Variants in KIF6 observed in about 807,000 individuals in gnomAD.
KIF6 encodes kinesin-like protein KIF6.
In KIF6, 106 loss-of-function variants were observed where a neutral mutation model predicts 112.7. The ratio of observed to expected loss-of-function variants is 0.94; its 90% CI spans 0.80 to 1.11. The LOEUF (loss-of-function observed/expected upper bound fraction) is 1.11, where lower values mean the gene tolerates loss of function less well. Among genes scored for constraint, KIF6 ranks in the 50% least tolerant of loss-of-function variants. The pLI is 0.00. For synonymous variants in KIF6, 339 were observed against 339.9 expected, an observed-to-expected ratio of 1.00 and a Z score of 0.03; for missense variants, 929 against 964.0, an observed-to-expected ratio of 0.96 and a Z score of 0.48.
intron 13 of KIF6, among the ~76,000 whole-genome samples, chr6:39,434,353 C>G (rs1771372599): frequency 6.7e-6 from 1 of 149,438 alleles, no homozygotes; most frequent in Non-Finnish European, 1.5e-5. Flanking sequence ...CACCTGAGCT[C>G]AAGAGTTCAG....
At chr6:39,626,373 T>G (rs1439015792) in intron 5 of KIF6, among the ~76,000 whole-genome samples, 1 of 152,090 alleles carries the variant, frequency 6.6e-6, no homozygotes, top group African/African-American at 2.4e-5. Flanking sequence ...TAAAGAAACC[T>G]AGAAACCACA....
intron 10 of KIF6, among the ~76,000 whole-genome samples, chr6:39,563,202 C>T (rs931670622): frequency 2.0e-5 from 3 of 152,136 alleles, no homozygotes; most frequent in African/African-American, 7.2e-5. Flanking sequence ...CGCCACTGCA[C>T]TCCAGCCTGG....
At chr6:39,340,720 A>G (rs1260652221) in intron 22 of KIF6, among the ~76,000 whole-genome samples, 2 of 152,164 alleles carry the variant, frequency 1.3e-5, no homozygotes, top group Non-Finnish European at 2.9e-5. Context: ...GCCTGGGGAC[A>G]GTGTTAGCAG....
rs546119315 is a variant in KIF6 at position 39,449,267 on chromosome 6, C to A, written c.1646-18106G>T. ...TCCTGTGGCTTCCCATGGACAAAGC[C>A]AAACCTGAATATACCCCAACCTCCT... On this transcript the variant is annotated intron_variant, in intron 13 of 22. Coordinates refer to ENST00000287152, the MANE Select transcript of KIF6 (RefSeq NM_145027.6). Among the ~76,000 whole-genome samples the A allele has an allele frequency of 1.3e-5, 2 of 152,204 alleles. 1 individual carries two copies. The highest frequency in any genetic ancestry group is 4.1e-4 in the South Asian group (2 of 4,834).
chr6:39,609,596 A>G (rs768312695), intron 6 of KIF6, among the ~76,000 whole-genome samples: 2 of 152,210 alleles, frequency 1.3e-5, no homozygotes, highest in South Asian at 4.1e-4. Context: ...AACAGAAGAC[A>G]TGAACAAAAA....
At chr6:39,694,764 C>T (rs1788426164) in intron 3 of KIF6, among the ~76,000 whole-genome samples, 1 of 152,066 alleles carries the variant, frequency 6.6e-6, no homozygotes, top group Non-Finnish European at 1.5e-5. Context: ...AATAATTCAA[C>T]ACTTTTCCTA....
At chr6:39,666,122 G>A (rs1298585061) in intron 3 of KIF6, among the ~76,000 whole-genome samples, 3 of 152,084 alleles carry the variant, frequency 2.0e-5, no homozygotes, top group East Asian at 3.8e-4. Context: ...TCAAGTATTC[G>A]TGGCCAATCC....
At chr6:39,688,115 G>C (rs1033010854) in intron 3 of KIF6, among the ~76,000 whole-genome samples, 2 of 152,198 alleles carry the variant, frequency 1.3e-5, no homozygotes, top group African/African-American at 4.8e-5. Context: ...TCTTCAGTCT[G>C]GAGAAACTGC....
intron 12 of KIF6, among the ~76,000 whole-genome samples, chr6:39,541,609 C>T (rs890588309): frequency 6.6e-6 from 1 of 152,208 alleles, no homozygotes; most frequent in Non-Finnish European, 1.5e-5. Context: ...AGAGTAGTTT[C>T]TTGCTCTCAC....
At chr6:39,574,381 C>A (rs188327351) in intron 10 of KIF6, among the ~76,000 whole-genome samples, 48 of 152,254 alleles carry the variant, frequency 3.2e-4, no homozygotes, top group Admixed American at 1.7e-3. Flanking sequence ...TCCTTTCGGT[C>A]TGAAAGTTTG....
intron 13 of KIF6, among the ~76,000 whole-genome samples, chr6:39,490,720 A>G (rs891942828): frequency 1.2e-4 from 18 of 152,122 alleles, no homozygotes; most frequent in African/African-American, 4.1e-4. Context: ...AAAATATCAA[A>G]TTATCCATTA....
At chr6:39,687,100 T>C (rs1337041703) in intron 3 of KIF6, among the ~76,000 whole-genome samples, 3 of 152,138 alleles carry the variant, frequency 2.0e-5, no homozygotes, top group East Asian at 3.9e-4. Flanking sequence ...TGCAGCTGCA[T>C]TCAATAGCAG....
At chr6:39,418,879 C>T (rs903197219) in intron 15 of KIF6, among the ~76,000 whole-genome samples, 5 of 152,018 alleles carry the variant, frequency 3.3e-5, no homozygotes, top group East Asian at 1.9e-4. Context: ...CACTTGTAGG[C>T]GGAGAAAAGG....
At chr6:39,659,911 T>A (rs1269934844) in intron 3 of KIF6, among the ~76,000 whole-genome samples, 3 of 152,228 alleles carry the variant, frequency 2.0e-5, no homozygotes, top group Non-Finnish European at 4.4e-5. Context: ...ATGATTTACT[T>A]AGCCTCAAAG....
At chr6:39,395,471 G>A (rs1768192838) in intron 15 of KIF6, among the ~76,000 whole-genome samples, 1 of 152,202 alleles carries the variant, frequency 6.6e-6, no homozygotes, top group Admixed American at 6.5e-5. Flanking sequence ...TTCAAAAGAT[G>A]TTACTTTAGA....
chr6:39,456,535 G>T (rs1581897990), intron 13 of KIF6, among the ~76,000 whole-genome samples: 1 of 96,652 alleles, frequency 1.0e-5, no homozygotes, highest in Non-Finnish European at 2.0e-5. Flanking sequence ...AACTTTAAAT[G>T]TAAATGGACT....
At chr6:39,417,602 T>C (rs926776073) in intron 15 of KIF6, among the ~76,000 whole-genome samples, 4 of 152,182 alleles carry the variant, frequency 2.6e-5, no homozygotes, top group Non-Finnish European at 4.4e-5. Context: ...CCTTGGCTCT[T>C]GGGCAGGAAA....
chr6:39,489,053 G>A (rs1775305149), intron 13 of KIF6, among the ~76,000 whole-genome samples: 2 of 152,060 alleles, frequency 1.3e-5, no homozygotes, highest in Non-Finnish European at 2.9e-5. Context: ...TTAAGTTCAG[G>A]GAAAATGTTT....
chr6:39,723,004 A>G (rs1790314675), intron 1 of KIF6, among the ~76,000 whole-genome samples: 1 of 152,132 alleles, frequency 6.6e-6, no homozygotes, highest in African/African-American at 2.4e-5. Context: ...ACCCCTACCC[A>G]TCCTGTCTCT....
Sources: allele counts gnomAD v4.1 joint callset (sites outside exome capture counted in the v4.1 genomes callset), GRCh38; gene constraint gnomAD v4.1.1; transcripts MANE v1.5; gene names NCBI Gene and HGNC (gene_info 2026-07-23, HGNC 2026-07-21).